Variants in UNC5D observed in about 807,000 individuals in gnomAD.
The protein encoded by UNC5D is unc-5 netrin receptor D.
A neutral mutation model predicts 105.4 loss-of-function variants in UNC5D; 39 were observed. The ratio of observed to expected loss-of-function variants is 0.37; its 90% CI spans 0.29 to 0.48. The LOEUF (loss-of-function observed/expected upper bound fraction) is 0.48. Among genes scored for constraint, UNC5D ranks in the 20% least tolerant of loss-of-function variants. The probability of loss-of-function intolerance (pLI) is 0.98; values close to 1 mark genes in which losing one functional copy is unlikely to be tolerated. For synonymous variants in UNC5D, 452 were observed against 450.4 expected, an observed-to-expected ratio of 1.00 and a Z score of -0.04; for missense variants, 991 against 1,202.4, an observed-to-expected ratio of 0.82 and a Z score of 2.60.
chr8:35,470,291 G>C (rs747201495), intron 1 of UNC5D, among the ~76,000 whole-genome samples: 2 of 152,038 alleles, frequency 1.3e-5, no homozygotes, highest in Non-Finnish European at 2.9e-5. Flanking sequence ...ATGGTTTTGA[G>C]GCCATAACAT....
chr8:35,676,629 T>C (rs1706842367), intron 4 of UNC5D, among the ~76,000 whole-genome samples: 1 of 152,214 alleles, frequency 6.6e-6, no homozygotes, highest in Non-Finnish European at 1.5e-5. Flanking sequence ...TCAGCATACA[T>C]GCAAACCCTT....
chr8:35,320,951 C>A (rs1471183659), intron 1 of UNC5D, among the ~76,000 whole-genome samples: 1 of 152,124 alleles, frequency 6.6e-6, no homozygotes, highest in Non-Finnish European at 1.5e-5. Flanking sequence ...GTTTTGTAAT[C>A]ACTTTCTCTC....
chr8:35,752,837 T>C (rs1317535797), intron 13 of UNC5D, among the ~76,000 whole-genome samples: 3 of 152,208 alleles, frequency 2.0e-5, no homozygotes, highest in Non-Finnish European at 4.4e-5. Context: ...CTGAGTAAAC[T>C]GGAGTAACCA....
intron 4 of UNC5D, among the ~76,000 whole-genome samples, chr8:35,663,841 T>C (rs977830346): frequency 1.3e-5 from 2 of 152,212 alleles, no homozygotes; most frequent in African/African-American, 4.8e-5. Flanking sequence ...CAGTAGAAAG[T>C]TGCAGATAAG....
intron 1 of UNC5D, among the ~76,000 whole-genome samples, chr8:35,317,884 C>G (rs1809424918): frequency 6.6e-6 from 1 of 152,066 alleles, no homozygotes; most frequent in Non-Finnish European, 1.5e-5. Context: ...GACAAGACAA[C>G]TTAGTTCTTG....
intron 1 of UNC5D, among the ~76,000 whole-genome samples, chr8:35,490,349 T>A (rs540161889): frequency 1.8e-4 from 28 of 152,216 alleles, no homozygotes; most frequent in Admixed American, 1.3e-3. Flanking sequence ...CAACTTTTTT[T>A]AAAATTATCC....
At chr8:35,271,171 A>G (rs1805256915) in intron 1 of UNC5D, among the ~76,000 whole-genome samples, 1 of 149,758 alleles carries the variant, frequency 6.7e-6, no homozygotes, top group African/African-American at 2.4e-5. Context: ...TTCAACAAAT[A>G]TATTTGTATA....
chr8:35,417,535 T>C (rs1309896989), intron 1 of UNC5D, among the ~76,000 whole-genome samples: 1 of 152,164 alleles, frequency 6.6e-6, no homozygotes, highest in Non-Finnish European at 1.5e-5. Flanking sequence ...AAAGTTAGTG[T>C]GCAGAAAAGC....
At chr8:35,333,589 C>T (rs906457432) in intron 1 of UNC5D, among the ~76,000 whole-genome samples, 4 of 152,208 alleles carry the variant, frequency 2.6e-5, no homozygotes, top group African/African-American at 9.6e-5. Flanking sequence ...AAGTGATTCT[C>T]CTGCCTCAGC....
intron 1 of UNC5D, among the ~76,000 whole-genome samples, chr8:35,286,387 C>A: frequency 6.6e-6 from 1 of 152,208 alleles, no homozygotes; most frequent in East Asian, 1.9e-4. Context: ...ACACCGCCCA[C>A]AAGTCTTCTA....
intron 11 of UNC5D, among the ~76,000 whole-genome samples, chr8:35,737,250 C>CTGTGTG (rs1491142545): frequency 8.2e-6 from 1 of 122,442 alleles, no homozygotes; most frequent in Non-Finnish European, 1.7e-5. Context: ...GCAAGATCTG[C>CTGTGTG]TCTGTGTGTG....
intron 1 of UNC5D, among the ~76,000 whole-genome samples, chr8:35,391,311 T>A (rs1423039799): frequency 6.6e-6 from 1 of 152,210 alleles, no homozygotes; most frequent in Non-Finnish European, 1.5e-5. Context: ...ATTGAAATTC[T>A]TCAGTTAGTG....
intron 1 of UNC5D, among the ~76,000 whole-genome samples, chr8:35,422,427 C>A (rs987936210): frequency 6.6e-6 from 1 of 152,206 alleles, no homozygotes; most frequent in Non-Finnish European, 1.5e-5. Flanking sequence ...GGACAATATT[C>A]TTTCATTGTC....
chr8:35,794,957 A>G lies in UNC5D; in HGVS notation c.*4394A>G, dbSNP rs1395442200. The G allele has an allele frequency of 6.6e-6, 1 of 152,168 alleles. No individual in the cohort carries two copies. Among genetic ancestry groups the G allele is most frequent in the African/African-American group, 2.4e-5 (1 of 41,440 alleles). 9.4% of individuals were successfully genotyped at this position (152,168 alleles called of 1,614,324 possible). A position where few individuals can be genotyped will look rare whatever the true frequency, so the allele number is the denominator to read the frequency against. On this transcript the variant is annotated 3_prime_UTR_variant, in exon 17 of 17. Coordinates refer to ENST00000404895, the MANE Select transcript of UNC5D (RefSeq NM_080872.4). ...TAGGAAATTTAACTGACATAGAATA[A>G]TTGTGGTTTTTGAAGCAGCTACTCA... is the stretch of plus-strand genomic sequence containing the variant.
chr8:35,628,022 C>T (rs528200682), intron 4 of UNC5D, among the ~76,000 whole-genome samples: 3 of 152,230 alleles, frequency 2.0e-5, no homozygotes, highest in African/African-American at 7.2e-5. Flanking sequence ...GTGCATTAGT[C>T]TGTATGTGAT....
At chr8:35,760,940 T>A (rs1257232437) in intron 14 of UNC5D, among the ~76,000 whole-genome samples, 1 of 152,164 alleles carries the variant, frequency 6.6e-6, no homozygotes, top group Non-Finnish European at 1.5e-5. Context: ...GGGCTGCATT[T>A]TTCTATTGAC....
intron 4 of UNC5D, among the ~76,000 whole-genome samples, chr8:35,679,140 G>A (rs1825483050): frequency 6.6e-6 from 1 of 152,040 alleles, no homozygotes; most frequent in African/African-American, 2.4e-5. Context: ...GTCCCAGCTA[G>A]TCAGGAGGCT....
intron 4 of UNC5D, among the ~76,000 whole-genome samples, chr8:35,618,339 A>G (rs1053436470): frequency 1.3e-5 from 2 of 152,358 alleles, no homozygotes; most frequent in South Asian, 2.1e-4. Flanking sequence ...GGTCTGGGAA[A>G]GTCTGTCTTC....
intron 1 of UNC5D, among the ~76,000 whole-genome samples, chr8:35,432,159 T>C (rs1806687877): frequency 6.6e-6 from 1 of 152,156 alleles, no homozygotes; most frequent in African/African-American, 2.4e-5. Context: ...TTTATTTATC[T>C]ATACAATAGG....
Sources: allele counts gnomAD v4.1 joint callset (sites outside exome capture counted in the v4.1 genomes callset), GRCh38; gene constraint gnomAD v4.1.1; transcripts MANE v1.5; gene names NCBI Gene and HGNC (gene_info 2026-07-23, HGNC 2026-07-21).